SPPL3: variants seen among roughly 807,000 people sequenced by gnomAD.
The protein encoded by SPPL3 is signal peptide peptidase like 3, also known as signal peptide peptidase-like 3.
Under a neutral mutation model 42.4 loss-of-function variants are expected in SPPL3, and 5 were observed. That is an observed-to-expected ratio of 0.12 (90% CI 0.06 to 0.25). SPPL3 has a LOEUF of 0.25. SPPL3 is among the 10% of genes least tolerant of loss of function. SPPL3 has a pLI of 1.00. For synonymous variants in SPPL3, 195 were observed against 181.8 expected, an observed-to-expected ratio of 1.07 and a Z score of -0.58; for missense variants, 235 against 489.0, an observed-to-expected ratio of 0.48 and a Z score of 4.90.
intron 3 of SPPL3, among the ~76,000 whole-genome samples, chr12:120,787,167 G>C (rs1343336505): frequency 6.6e-6 from 1 of 152,128 alleles, no homozygotes; most frequent in Non-Finnish European, 1.5e-5. Context: ...TAAGCAACAG[G>C]AGGGATTAAA....
intron 1 of SPPL3, among the ~76,000 whole-genome samples, chr12:120,890,652 A>C (rs2137065481): frequency 6.6e-6 from 1 of 152,112 alleles, no homozygotes; most frequent in Admixed American, 6.5e-5. Context: ...ACTATGGGCC[A>C]GACCACTGAG....
At chr12:120,869,334 A>C (rs1225243451) in intron 1 of SPPL3, among the ~76,000 whole-genome samples, 1 of 152,216 alleles carries the variant, frequency 6.6e-6, no homozygotes, top group African/African-American at 2.4e-5. Context: ...TGATTTACAC[A>C]ACAGTGCCAT....
rs112178601 is a variant in SPPL3 at position 120,855,694 on chromosome 12, C to CA, written c.24-44809dup. ...TGGGCAGCTGAGCAAGACTCCATCT[C>CA]AAAAAAAAAAAAGAAAAGAAAAGAA... is the stretch of plus-strand genomic sequence containing the variant. On this transcript the variant is annotated intron_variant, in intron 1 of 10. Coordinates refer to ENST00000353487, the MANE Select transcript of SPPL3 (RefSeq NM_139015.5). Among the ~76,000 whole-genome samples, 614 of 138,288 alleles carry CA rather than the reference C, an allele frequency of 4.4e-3. 8 individuals are homozygous for CA. Among genetic ancestry groups the CA allele is most frequent in the Non-Finnish European group, 5.2e-3 (326 of 62,990 alleles). The allele number at this position is 138,288 out of a possible 152,430, so 90.7% of individuals were successfully genotyped here. A position where few individuals can be genotyped will look rare whatever the true frequency, so the allele number is the denominator to read the frequency against.
chr12:120,902,619 T>G (rs1027847164), intron 1 of SPPL3, among the ~76,000 whole-genome samples: 4 of 152,178 alleles, frequency 2.6e-5, no homozygotes, highest in African/African-American at 9.7e-5. Context: ...AGCAAGTTGG[T>G]GGCAAACCGG....
chr12:120,903,198 G>A (rs574497146), intron 1 of SPPL3: 1 of 152,802 alleles, frequency 6.5e-6, no homozygotes, highest in Admixed American at 6.5e-5. Flanking sequence ...TTTCCAGAAG[G>A]AAAAGGAAAC....
rs1491505781 is a variant in SPPL3, at chr12:120,852,853, A to ATATATTT, written c.24-41968_24-41967insAAATATA. Among the ~76,000 whole-genome samples the ATATATTT allele has an allele frequency of 1.0e-4, 15 of 145,656 alleles. 3 individuals are homozygous for ATATATTT. The highest frequency in any genetic ancestry group is 2.1e-4 in the South Asian group (1 of 4,746). On this transcript the variant is annotated intron_variant, in intron 1 of 10. Transcript: ENST00000353487. ...AATATATACATATGATATATGAAAT[A>ATATATTT]CATATTTCATATAATATATACATAT...
intron 2 of SPPL3, among the ~76,000 whole-genome samples, chr12:120,797,895 C>G (rs558908984): frequency 6.6e-6 from 1 of 152,284 alleles, no homozygotes; most frequent in South Asian, 2.1e-4. Context: ...CAGCCTGACT[C>G]TAGCTGCCAC....
At chr12:120,865,123 G>A (rs896743739) in intron 1 of SPPL3, among the ~76,000 whole-genome samples, 1 of 152,212 alleles carries the variant, frequency 6.6e-6, no homozygotes, top group Non-Finnish European at 1.5e-5. Flanking sequence ...ACTTTGAGAA[G>A]TGCTAATCTA....
chr12:120,824,154 G>A (rs1871167677), intron 1 of SPPL3, among the ~76,000 whole-genome samples: 1 of 152,158 alleles, frequency 6.6e-6, no homozygotes, highest in African/African-American at 2.4e-5. Context: ...ATAGGCGTGA[G>A]CCACTGCACC....
At chr12:120,791,766 G>A (rs639343) in intron 2 of SPPL3, 29,248 of 487,818 alleles carry the variant, frequency 0.06, 2,196 homozygotes, top group African/African-American at 0.27. Context: ...GCAGATGAAA[G>A]CATCCCAATG....
At chr12:120,889,670 T>C (rs868355091) in intron 1 of SPPL3, among the ~76,000 whole-genome samples, 2 of 152,208 alleles carry the variant, frequency 1.3e-5, no homozygotes, top group African/African-American at 4.8e-5. Flanking sequence ...TATATTTTAT[T>C]GTTATTTTAA....
intron 6 of SPPL3, among the ~76,000 whole-genome samples, chr12:120,779,537 C>T (rs1300377058): frequency 6.6e-6 from 1 of 152,168 alleles, no homozygotes; most frequent in Non-Finnish European, 1.5e-5. Flanking sequence ...TTTTAACCTT[C>T]TTCTCTTTGG....
intron 1 of SPPL3, among the ~76,000 whole-genome samples, chr12:120,821,300 C>G (rs1871060225): frequency 6.6e-6 from 1 of 152,210 alleles, no homozygotes; most frequent in Non-Finnish European, 1.5e-5. Context: ...AAGACAGGTC[C>G]TCACATCATA....
At chr12:120,884,449 T>G (rs1593010926) in intron 1 of SPPL3, among the ~76,000 whole-genome samples, 1 of 152,136 alleles carries the variant, frequency 6.6e-6, no homozygotes, top group Middle Eastern at 3.4e-3. Flanking sequence ...TAACATGAAA[T>G]GTTACCATAA....
chr12:120,822,352 G>A (rs1404411632), intron 1 of SPPL3, among the ~76,000 whole-genome samples: 1 of 152,106 alleles, frequency 6.6e-6, no homozygotes, highest in Admixed American at 6.5e-5. Flanking sequence ...GGTTTTTACT[G>A]TATCTGTTTC....
chr12:120,823,158 G>A (rs1212152776), intron 1 of SPPL3, among the ~76,000 whole-genome samples: 2 of 137,316 alleles, frequency 1.5e-5, no homozygotes, highest in Non-Finnish European at 3.1e-5. Flanking sequence ...AAAAGCAAGA[G>A]CTAGAGCATA....
chr12:120,847,101 T>C (rs937387018), intron 1 of SPPL3, among the ~76,000 whole-genome samples: 2 of 152,254 alleles, frequency 1.3e-5, no homozygotes, highest in East Asian at 3.9e-4. Flanking sequence ...ACTGAATACC[T>C]GCACCAATAG....
chr12:120,781,458 TTATA>T (rs1407365778), intron 6 of SPPL3, among the ~76,000 whole-genome samples: 3 of 149,882 alleles, frequency 2.0e-5, no homozygotes, highest in African/African-American at 7.3e-5. Context: ...ATAATGCAGG[TTATA>T]TATAACATGT....
intron 1 of SPPL3, among the ~76,000 whole-genome samples, chr12:120,820,611 C>T (rs1280233616): frequency 3.3e-5 from 5 of 151,992 alleles, no homozygotes; most frequent in African/African-American, 4.8e-5. Context: ...CCACTGTGTC[C>T]GGCCTATCTA....
Sources: gnomAD v4.1 joint callset for allele counts (sites outside exome capture counted in the v4.1 genomes callset) on GRCh38, gnomAD v4.1.1 for gene constraint, MANE v1.5 for transcripts, NCBI Gene and HGNC (gene_info 2026-07-23, HGNC 2026-07-21) for gene names.